Variants in CPAMD8 observed in about 807,000 individuals in gnomAD.
CPAMD8 encodes the protein C3 and PZP-like alpha-2-macroglobulin domain-containing protein 8.
Under a neutral mutation model 224.7 loss-of-function variants are expected in CPAMD8, and 146 were observed. The ratio of observed to expected loss-of-function variants is 0.65; its 90% CI spans 0.57 to 0.75. The LOEUF (loss-of-function observed/expected upper bound fraction) is 0.75, where lower values mean the gene tolerates loss of function less well. CPAMD8 is among the 30% of genes least tolerant of loss of function. The pLI is 0.00. For synonymous variants in CPAMD8, 966 were observed against 1,044.6 expected, an observed-to-expected ratio of 0.92 and a Z score of 1.45; for missense variants, 2,301 against 2,537.5, an observed-to-expected ratio of 0.91 and a Z score of 2.00.
chr19:17,026,657 G>C lies in CPAMD8; in HGVS notation c.-15C>G. 7.1e-7 allele frequency: 1 copy of C among 1,401,714 alleles called. No individual in the cohort carries two copies. Among genetic ancestry groups the C allele is most frequent in the South Asian group, 1.5e-5 (1 of 66,576 alleles). The allele number at this position is 1,401,714 out of a possible 1,614,324, so 86.8% of individuals were successfully genotyped here. ...GCGCCGCTCATTTTTCGGCTCCTGG[G>C]GGGCGCCGCGCCTGGGGAGGGGGCC... On this transcript the variant is annotated 5_prime_UTR_variant, in exon 1 of 42. Transcript: ENST00000443236.
chr19:16,987,179 A>AATATATATATATATATATATATATATAT (rs775029154), intron 13 of CPAMD8, among the ~76,000 whole-genome samples: 6 of 53,916 alleles, frequency 1.1e-4, no homozygotes, highest in Admixed American at 3.2e-4. Flanking sequence ...AAAAAAAAAA[A>AATATATATATATATATATATATATATAT]ATATATATAT....
intron 7 of CPAMD8, among the ~76,000 whole-genome samples, chr19:17,007,293 C>T (rs1193343936): frequency 2.0e-5 from 3 of 151,568 alleles, no homozygotes; most frequent in Non-Finnish European, 4.4e-5. Flanking sequence ...GACATCGTGC[C>T]ACTGCACTCC....
Position 16,971,070 on chromosome 19 carries a change from A to C in CPAMD8, c.2071-37T>G, listed in dbSNP as rs748163732. 4.5e-6 allele frequency: 7 copies of C among 1,555,502 alleles called. No homozygotes were observed. The South Asian group carries it at 8.3e-5, about 18-fold the overall frequency. On this transcript the variant is annotated intron_variant, in intron 17 of 41. Transcript: ENST00000443236. ...ACAACACCCAAACCATTGGTGGGGAAGTGGATGCTGACAGCCCCCAGAAGC... is the reference window on the plus strand; with the variant it reads ...ACAACACCCAAACCATTGGTGGGGACGTGGATGCTGACAGCCCCCAGAAGC...
In CPAMD8 at chr19:16,927,508, C is replaced by T. The variant is rs1378434507; in HGVS notation, c.3370+501G>A. 3.3e-5 allele frequency among the ~76,000 whole-genome samples: 5 copies of T among 152,228 alleles called. No individual in the cohort carries two copies. The East Asian group carries it at 9.7e-4, about 29-fold the overall frequency. The stretch of plus-strand genomic sequence containing the variant: ...CTAATACACATCCCAACCCTACAGA[C>T]CCCCTAAGGCTGCTTCCAATGTCCC... On this transcript the variant is annotated intron_variant, in intron 25 of 41. Coordinates refer to ENST00000443236, the MANE Select transcript of CPAMD8 (RefSeq NM_015692.5).
chr19:16,971,248 T>G, intron 17 of CPAMD8: 1 of 450,042 alleles, frequency 2.2e-6, no homozygotes, highest in Non-Finnish European at 3.9e-6. Flanking sequence ...TCGCCCAGGC[T>G]GGAGTGCAGT....
chr19:16,904,176 A>AGGCCCCCCCCCCCCCCCCCC, intron 32 of CPAMD8, 50 bp downstream of exon 32: 2 of 937,336 alleles, frequency 2.1e-6, no homozygotes, highest in Non-Finnish European at 3.3e-6. Flanking sequence ...GACTGCAGGG[A>AGGCCCCCCCCCCCCCCCCCC]CCCCACCCAC....
chr19:16,914,658 T>G lies in CPAMD8; in HGVS notation c.3785A>C (p.Gln1262Pro). The G allele has an allele frequency of 6.2e-7, 1 of 1,614,006 alleles. No individual in the cohort carries two copies. The highest frequency in any genetic ancestry group is 8.5e-7 in the Non-Finnish European group (1 of 1,179,920). The change falls in exon 28 of 42, where the codon CAG (glutamine) becomes CCG (proline). Residue 1262 changes from glutamine to proline, a missense_variant and splice_region_variant. Gln to Pro is a moderately conservative substitution (Grantham distance 76). Around this residue, in one of 4 missense-constraint regions of CPAMD8, gnomAD observed 1,709 missense variants for 1,753.2 expected, o/e 0.97. Transcript: ENST00000443236. ...AVGRVLNKDI[Q>P]GGIHGTVPLT... ...AAGGAGGCTCAAGGGGCCACTCACC[T>G]GGATGTCCTTGTTCAGGACCCTGCC... is the stretch of plus-strand genomic sequence containing the variant.
intron 1 of CPAMD8, among the ~76,000 whole-genome samples, chr19:17,025,906 AC>A (rs2123303149): frequency 6.6e-6 from 1 of 152,248 alleles, no homozygotes; most frequent in African/African-American, 2.4e-5. Context: ...AAACTCCTAA[AC>A]AAGGGCTGCT....
chr19:17,004,063 G>T (rs546958241), intron 8 of CPAMD8, among the ~76,000 whole-genome samples: 2 of 151,794 alleles, frequency 1.3e-5, no homozygotes, highest in Non-Finnish European at 2.9e-5. Context: ...GCGCCACCAC[G>T]CCCGGCTAAT....
intron 13 of CPAMD8, among the ~76,000 whole-genome samples, chr19:16,987,172 A>ATTT (rs1568566095): frequency 9.9e-6 from 1 of 101,464 alleles, no homozygotes; most frequent in Non-Finnish European, 1.9e-5. Context: ...AAAAAAAAAA[A>ATTT]AAAAAAAATA....
At chr19:16,978,697 G>A (rs1271976856) in intron 14 of CPAMD8, among the ~76,000 whole-genome samples, 1 of 152,088 alleles carries the variant, frequency 6.6e-6, no homozygotes, top group Non-Finnish European at 1.5e-5. Context: ...ACAGTGCAGA[G>A]GGTGAGAAAG....
chr19:16,998,572 G>T (rs563512175), intron 10 of CPAMD8, among the ~76,000 whole-genome samples: 1 of 152,330 alleles, frequency 6.6e-6, no homozygotes, highest in East Asian at 1.9e-4. Flanking sequence ...AGGAGCTTTG[G>T]GTGGGAGGTG....
intron 22 of CPAMD8, among the ~76,000 whole-genome samples, chr19:16,942,427 A>T (rs1235789885): frequency 1.3e-5 from 2 of 152,206 alleles, no homozygotes; most frequent in East Asian, 3.9e-4. Context: ...GCACCACTGC[A>T]CTCCAGCCTG....
chr19:16,906,282 CCTCT>C (rs960606605), intron 30 of CPAMD8, among the ~76,000 whole-genome samples: 3 of 151,082 alleles, frequency 2.0e-5, no homozygotes, highest in African/African-American at 7.4e-5. Context: ...TTCCTTTCTT[CCTCT>C]CCCTCCCTCC....
At chr19:16,932,103 A>C (rs1356241235) in intron 23 of CPAMD8, among the ~76,000 whole-genome samples, 1 of 152,216 alleles carries the variant, frequency 6.6e-6, no homozygotes, top group East Asian at 1.9e-4. Context: ...CAGTAAAAAA[A>C]AAAATGTATG....
chr19:17,022,205 G>A (rs768408199), intron 1 of CPAMD8, 24 bp from the exon 2 acceptor site: 26 of 1,603,778 alleles, frequency 1.6e-5, no homozygotes, highest in Non-Finnish European at 2.1e-5. Flanking sequence ...GATCCGAGGT[G>A]AAGTTCTCAC....
At chr19:16,902,391 C>A (rs533619315) in intron 35 of CPAMD8, among the ~76,000 whole-genome samples, 128 of 152,176 alleles carry the variant, frequency 8.4e-4, no homozygotes, top group Non-Finnish European at 1.2e-3. Context: ...ATGGCGGGCA[C>A]CTGTAGTCCC....
In CPAMD8 at chr19:16,893,278, C is replaced by T. The variant is rs538315226; in HGVS notation, c.5488G>A (p.Ala1830Thr). ...TGGCCCCATCTGTGGAACGGGCTGG[C>T]GCTCTGGGTGCTGCTTTCCAGGTTC... The part of the protein sequence containing the change: ...SGNLESSTQS[A>T]SPFHRWGQTP... The change falls in exon 42 of 42, where the codon GCC becomes ACC. Residue 1830 changes from alanine (A) to threonine (T), a missense_variant. Ala to Thr is a moderately conservative substitution (Grantham distance 58). Around this residue, in one of 4 missense-constraint regions of CPAMD8, gnomAD observed 1,709 missense variants for 1,753.2 expected, o/e 0.97. Transcript: ENST00000443236. 9.0e-5 allele frequency: 140 copies of T among 1,562,250 alleles called. No homozygotes were observed. Among genetic ancestry groups the T allele is most frequent in the Admixed American group, 5.2e-4 (28 of 53,364 alleles).
At chr19:16,985,479 G>A (rs1231566406) in intron 13 of CPAMD8, among the ~76,000 whole-genome samples, 2 of 150,494 alleles carry the variant, frequency 1.3e-5, no homozygotes, top group Non-Finnish European at 3.0e-5. Context: ...TGGATGAAGG[G>A]TGGATGAAGG....
Sources: gnomAD v4.1 joint callset for allele counts (sites outside exome capture counted in the v4.1 genomes callset) on GRCh38, gnomAD v4.1.1 for gene constraint, gnomAD v4.1.1 regional missense constraint, MANE v1.5 for transcripts, NCBI Gene and HGNC (gene_info 2026-07-23, HGNC 2026-07-21) for gene names.